Variants in CFAP77 observed in about 807,000 individuals in gnomAD.
CFAP77 encodes cilia- and flagella-associated protein 77.
A neutral mutation model predicts 31.1 loss-of-function variants in CFAP77; 25 were observed. That is an observed-to-expected ratio of 0.80 (90% CI 0.59 to 1.12). CFAP77 has a LOEUF of 1.12. CFAP77 is among the 50% of genes most tolerant of loss of function. The pLI, the probability that CFAP77 is intolerant of heterozygous loss-of-function variation, is 0.00. For missense variants in CFAP77, 377 were observed against 397.3 expected (o/e 0.95, Z 0.44); for synonymous variants, 151 against 159.9 (o/e 0.94, Z 0.42).
rs889574074 is a variant in CFAP77 at position 132,519,931 on chromosome 9, G to C, written c.525-17670G>C. On this transcript the variant is annotated intron_variant, in intron 3 of 5. Transcript: ENST00000393216. ...GGATGGGAGGATGGGTGGATGGATGGATGAACGGGTGGGTGGATGGGTGGA... is the reference window on the plus strand; with the variant it reads ...GGATGGGAGGATGGGTGGATGGATGCATGAACGGGTGGGTGGATGGGTGGA... Among the ~76,000 whole-genome samples, 5 of 151,960 alleles carry C rather than the reference G, an allele frequency of 3.3e-5. No individual in the cohort carries two copies. The East Asian group carries it at 9.7e-4, about 29-fold the overall frequency.
rs547431646 is a variant in CFAP77 at position 132,446,259 on chromosome 9, C to T, written c.195+35793C>T. On this transcript the variant is annotated intron_variant, in intron 1 of 5. Transcript: ENST00000393216. ...AATTAAAGAGTCTGCTCGGTCGTGC[C>T]AGAGAGCAGGGCTGAACCCTGATCC... is the stretch of plus-strand genomic sequence containing the variant. Among the ~76,000 whole-genome samples the T allele has an allele frequency of 7.2e-5, 11 of 152,208 alleles. No homozygotes were observed. The East Asian group carries it at 2.1e-3, about 29-fold the overall frequency.
At chr9:132,523,168 A>C (rs1589905416) in intron 3 of CFAP77, among the ~76,000 whole-genome samples, 1 of 150,202 alleles carries the variant, frequency 6.7e-6, no homozygotes. Context: ...GTTCACTGTA[A>C]CCTCCGTCTT....
At chr9:132,483,841 G>A (rs188831547) in intron 1 of CFAP77, among the ~76,000 whole-genome samples, 35 of 152,140 alleles carry the variant, frequency 2.3e-4, no homozygotes, top group Admixed American at 1.2e-3. Flanking sequence ...TTGTCTGCAC[G>A]TCTTTCCTCT....
At position 132,486,093 on chromosome 9, in the gene CFAP77, T is replaced by TTATTTTATTTTA. The variant is rs1324803141; in HGVS notation, c.196-12601_196-12600insATTTTATTTTAT. ...ATATATATATATATATATATATATT[T>TTATTTTATTTTA]TTTTTTTTTTTTTTTTTGAGACGGA... On this transcript the variant is annotated intron_variant, in intron 1 of 5. Transcript: ENST00000393216. 4.3e-4 allele frequency among the ~76,000 whole-genome samples: 27 copies of TTATTTTATTTTA among 62,942 alleles called. 4 individuals carry two copies. The highest frequency in any genetic ancestry group is 2.1e-3 in the African/African-American group (27 of 12,570). 41.3% of individuals were successfully genotyped at this position (62,942 alleles called of 152,430 possible). A position where few individuals can be genotyped will look rare whatever the true frequency, so the allele number is the denominator to read the frequency against.
intron 5 of CFAP77, among the ~76,000 whole-genome samples, chr9:132,567,686 G>A (rs1020768185): frequency 6.6e-6 from 1 of 152,194 alleles, no homozygotes; most frequent in Non-Finnish European, 1.5e-5. Flanking sequence ...TGTTTTCACA[G>A]TTCTGGAGGC....
At chr9:132,525,387 C>T (rs565055750) in intron 3 of CFAP77, among the ~76,000 whole-genome samples, 1 of 152,222 alleles carries the variant, frequency 6.6e-6, no homozygotes, top group Admixed American at 6.5e-5. Flanking sequence ...TTTCCACTAG[C>T]ATGCTTGATT....
chr9:132,475,579 G>A (rs181761897), intron 1 of CFAP77, among the ~76,000 whole-genome samples: 71 of 152,352 alleles, frequency 4.7e-4, no homozygotes, highest in South Asian at 1.7e-3. Context: ...GTTAGGCAGG[G>A]AGAAGTGTCT....
At position 132,499,416 on chromosome 9, in the gene CFAP77, C is replaced by A; in HGVS notation, c.340C>A (p.His114Asn). 1.2e-6 allele frequency: 2 copies of A among 1,614,236 alleles called. No homozygotes were observed. Among genetic ancestry groups the A allele is most frequent in the Non-Finnish European group, 8.5e-7 (1 of 1,180,032 alleles). The part of the protein sequence containing the change: ...NVFKQQPTCP[H>N]ELTRNYIAMN... ...GTTCAAGCAGCAGCCCACCTGCCCC[C>A]ACGAGCTGACCCGGAATTATATCGC... Residue 114 changes from histidine (H) to asparagine (N), a missense_variant, in exon 3 of 6, where the codon CAC becomes AAC. Transcript: ENST00000393216. This position sits in a 1 kb window ranked among gnomAD's most constrained non-coding sequence, Gnocchi z 5.4.
intron 3 of CFAP77, among the ~76,000 whole-genome samples, chr9:132,533,901 GA>G (rs1395017637): frequency 2.6e-5 from 4 of 152,074 alleles, no homozygotes; most frequent in Admixed American, 6.5e-5. Context: ...AAAAGGAAAA[GA>G]AAAAGAAGTA....
At chr9:132,464,080 A>G (rs1756994398) in intron 1 of CFAP77, among the ~76,000 whole-genome samples, 1 of 152,220 alleles carries the variant, frequency 6.6e-6, no homozygotes, top group Non-Finnish European at 1.5e-5. Flanking sequence ...ACGTCTCCAT[A>G]GAGAAAAGCA....
intron 1 of CFAP77, among the ~76,000 whole-genome samples, chr9:132,435,930 CT>C (rs756647196): frequency 4.7e-4 from 72 of 152,096 alleles, no homozygotes; most frequent in Non-Finnish European, 8.5e-4. Context: ...GATTTTTATG[CT>C]AATGAGTCTG....
intron 3 of CFAP77, among the ~76,000 whole-genome samples, chr9:132,535,708 C>T (rs1247379117): frequency 2.9e-5 from 4 of 138,280 alleles, no homozygotes; most frequent in Admixed American, 2.1e-4. Context: ...TGAGACTCCA[C>T]CTCAATAAAT....
In CFAP77 at chr9:132,455,015, A is replaced by T. The variant is rs1850888715; in HGVS notation, c.196-43680A>T. ...CAAAATGTCATAACATCCTACAAAA[A>T]AAAAGAAAGAAAAGGCAATAAATTA... is the stretch of plus-strand genomic sequence containing the variant. On this transcript the variant is annotated intron_variant, in intron 1 of 5. Coordinates refer to ENST00000393216, the MANE Select transcript of CFAP77 (RefSeq NM_001282957.2). The surrounding 1 kb of genome is among the most constrained non-coding windows in gnomAD (Gnocchi z 4.1). 6.6e-6 allele frequency among the ~76,000 whole-genome samples: 1 copy of T among 152,232 alleles called. No individual in the cohort carries two copies. Among genetic ancestry groups the T allele is most frequent in the Non-Finnish European group, 1.5e-5 (1 of 68,044 alleles).
chr9:132,475,712 GC>G (rs1851337730), intron 1 of CFAP77, among the ~76,000 whole-genome samples: 1 of 152,164 alleles, frequency 6.6e-6, no homozygotes, highest in Non-Finnish European at 1.5e-5. Flanking sequence ...TGCCACAGAG[GC>G]CTGAGCATTG....
Position 132,481,719 on chromosome 9 carries a change from G to A in CFAP77, c.196-16976G>A, listed in dbSNP as rs1296164333. On this transcript the variant is annotated intron_variant, in intron 1 of 5. Coordinates refer to ENST00000393216, the MANE Select transcript of CFAP77 (RefSeq NM_001282957.2). This position sits in a 1 kb window ranked among gnomAD's most constrained non-coding sequence, Gnocchi z 5.0. ...AGAGCCGCCGCTTCCTCTCCCAGCC[G>A]ACCCCAGCCTTATTAACAGGCTTCG... Among the ~76,000 whole-genome samples the A allele has an allele frequency of 1.3e-5, 2 of 152,112 alleles. No individual in the cohort carries two copies. Among genetic ancestry groups the A allele is most frequent in the Non-Finnish European group, 1.5e-5 (1 of 68,020 alleles).
rs187093314 is a variant in CFAP77, at chr9:132,437,132, A to G, written c.195+26666A>G. On this transcript the variant is annotated intron_variant, in intron 1 of 5. Coordinates refer to ENST00000393216, the MANE Select transcript of CFAP77 (RefSeq NM_001282957.2). Reference sequence around the variant, plus strand: ...TAATACTATTCAGGTAACTCGATGCATAAAGAAAGATGACAGTTCCTGTCA... The same window carrying G: ...TAATACTATTCAGGTAACTCGATGCGTAAAGAAAGATGACAGTTCCTGTCA... Among the ~76,000 whole-genome samples the G allele has an allele frequency of 3.9e-5, 6 of 152,332 alleles. No individual in the cohort carries two copies. The East Asian group carries it at 1.2e-3, about 29-fold the overall frequency.
At chr9:132,438,520 TATA>T (rs1850550340) in intron 1 of CFAP77, among the ~76,000 whole-genome samples, 1 of 97,870 alleles carries the variant, frequency 1.0e-5, no homozygotes, top group Non-Finnish European at 2.0e-5. Flanking sequence ...ACAGATATGG[TATA>T]TATATATATA....
At chr9:132,449,892 G>A (rs1850795084) in intron 1 of CFAP77, among the ~76,000 whole-genome samples, 1 of 143,374 alleles carries the variant, frequency 7.0e-6, no homozygotes, top group Non-Finnish European at 1.5e-5. Flanking sequence ...GGATGATTAA[G>A]AGTTTTTTTG....
rs1429132474 is a variant in CFAP77, at chr9:132,480,019, A to G, written c.196-18676A>G. Among the ~76,000 whole-genome samples the G allele has an allele frequency of 6.6e-6, 1 of 152,104 alleles. No individual in the cohort carries two copies. Among genetic ancestry groups the G allele is most frequent in the Non-Finnish European group, 1.5e-5 (1 of 68,020 alleles). On this transcript the variant is annotated intron_variant, in intron 1 of 5. Transcript: ENST00000393216. This position sits in a 1 kb window ranked among gnomAD's most constrained non-coding sequence, Gnocchi z 5.8. The stretch of plus-strand genomic sequence containing the variant: ...AGCAGATGATGCGGCTCTGGATGAC[A>G]CGGATGGAGACGCGCTCCAGATAGG...
Sources: allele counts gnomAD v4.1 joint callset (sites outside exome capture counted in the v4.1 genomes callset), GRCh38; gene constraint gnomAD v4.1.1; non-coding constraint Gnocchi (gnomAD v3.1); transcripts MANE v1.5; gene names NCBI Gene and HGNC (gene_info 2026-07-23, HGNC 2026-07-21).